Variants in WIPI1 observed in about 807,000 individuals in gnomAD.
The protein encoded by WIPI1 is WD repeat domain phosphoinositide-interacting protein 1.
WIPI1 carries 45 observed loss-of-function variants against 55.3 expected under a neutral mutation model. The observed-to-expected ratio is 0.81, with a 90% confidence interval of 0.64 to 1.04. The LOEUF (loss-of-function observed/expected upper bound fraction) is 1.04, where lower values mean the gene tolerates loss of function less well. Ranked by LOEUF, WIPI1 falls within the 50% of genes least tolerant of loss-of-function variation. The pLI, the probability that WIPI1 is intolerant of heterozygous loss-of-function variation, is 0.00. For synonymous variants in WIPI1, 195 were observed against 217.6 expected (o/e 0.90, Z 0.92); for missense variants, 445 against 559.0 (o/e 0.80, Z 2.06).
intron 1 of WIPI1, among the ~76,000 whole-genome samples, chr17:68,454,047 ACAAT>A (rs1285148997): frequency 4.6e-5 from 7 of 152,240 alleles, no homozygotes; most frequent in Non-Finnish European, 1.0e-4. Flanking sequence ...TTTATCTAGG[ACAAT>A]CAAAGTGCCT....
In WIPI1 at chr17:68,434,357, G is replaced by A. The variant is rs1051751375; in HGVS notation, c.692+199C>T. 3.3e-5 allele frequency among the ~76,000 whole-genome samples: 5 copies of A among 152,164 alleles called. No individual in the cohort carries two copies. In the South Asian group the frequency reaches 1.0e-3, roughly 32 times the overall value. ...AAAGGGACTCTCACGGCTGAACTGTGTTAAAACAGCATCTCGGCTTTCAGT... is the reference window on the plus strand; with the variant it reads ...AAAGGGACTCTCACGGCTGAACTGTATTAAAACAGCATCTCGGCTTTCAGT... On this transcript the variant is annotated intron_variant, in intron 7 of 12. Coordinates refer to ENST00000262139, the MANE Select transcript of WIPI1 (RefSeq NM_017983.7).
intron 7 of WIPI1, 79 bp from the exon 8 acceptor site, chr17:68,433,654 A>C: frequency 8.3e-7 from 1 of 1,200,204 alleles, no homozygotes; most frequent in Non-Finnish European, 1.2e-6. Flanking sequence ...TCAGCTTTAT[A>C]AGAAAATCAG....
chr17:68,422,384 G>C (rs528864761), intron 12 of WIPI1: 1 of 144,108 alleles, frequency 6.9e-6, no homozygotes, highest in South Asian at 2.2e-4. Context: ...AGCCGAGATC[G>C]CACCACTGCA....
chr17:68,426,090 C>T lies in WIPI1; in HGVS notation c.1278G>A (p.Glu426=), dbSNP rs1326951300. The change falls in exon 12 of 13, where the codon GAG becomes GAA. Residue 426 remains glutamate (E), a synonymous_variant. Coordinates refer to ENST00000262139, the MANE Select transcript of WIPI1 (RefSeq NM_017983.7). ...TAATGCTCACAGGAGGAAACTCATT[C>T]TCATCATCAAGACACACTGGTCCCG... The part of the protein sequence containing the change: ...FATGPVCLDD[E]NEFPPIILCR... The T allele has an allele frequency of 3.1e-6, 5 of 1,612,806 alleles. No homozygotes were observed. The highest frequency in any genetic ancestry group is 4.2e-6 in the Non-Finnish European group (5 of 1,180,018).
chr17:68,456,683 G>A (rs907440719), intron 1 of WIPI1, among the ~76,000 whole-genome samples: 1 of 152,210 alleles, frequency 6.6e-6, no homozygotes, highest in Non-Finnish European at 1.5e-5. Context: ...CGGGAAAAGA[G>A]TCTTGGACTC....
At chr17:68,447,491 C>T (rs2084328329) in intron 3 of WIPI1, among the ~76,000 whole-genome samples, 1 of 152,160 alleles carries the variant, frequency 6.6e-6, no homozygotes, top group African/African-American at 2.4e-5. Context: ...AAACGATCCT[C>T]CTGCCTCAGC....
chr17:68,457,273 C>G (rs2084669584), intron 1 of WIPI1, 69 bp downstream of exon 1: 2 of 1,518,748 alleles, frequency 1.3e-6, no homozygotes, highest in Non-Finnish European at 1.8e-6. Context: ...AAGCTGCTCT[C>G]AGGACGACAC....
At chr17:68,450,625 A>G in intron 3 of WIPI1, 103 bp downstream of exon 3, 2 of 1,428,854 alleles carry the variant, frequency 1.4e-6, no homozygotes, top group East Asian at 2.3e-5. Context: ...TCTCATTAGA[A>G]TTGGAAGCTT....
Position 68,422,091 on chromosome 17 carries a change from G to A in WIPI1, c.1294-271C>T, listed in dbSNP as rs527872536. 1.2e-3 allele frequency: 520 copies of A among 422,686 alleles called. 7 individuals are homozygous for A. The highest frequency in any genetic ancestry group is 2.5e-4 in the Non-Finnish European group (57 of 230,550). 26.2% of individuals were successfully genotyped at this position (422,686 alleles called of 1,614,324 possible). On this transcript the variant is annotated intron_variant, in intron 12 of 12. Transcript: ENST00000262139. ...TATGTATATGTATATATTTTTAAAA[G>A]GCTCATCTTACTTGTAAACATGGAC...
chr17:68,431,161 T>C (rs2083491929), intron 8 of WIPI1, among the ~76,000 whole-genome samples: 1 of 152,062 alleles, frequency 6.6e-6, no homozygotes. Flanking sequence ...AGCACGGGTG[T>C]ATACAAAGAA....
intron 8 of WIPI1, among the ~76,000 whole-genome samples, chr17:68,430,428 C>T (rs2083458295): frequency 6.6e-6 from 1 of 152,196 alleles, no homozygotes; most frequent in South Asian, 2.1e-4. Flanking sequence ...TTAAAGAAGG[C>T]TTATCTGATG....
chr17:68,452,352 G>C (rs2084529283), intron 2 of WIPI1, among the ~76,000 whole-genome samples: 1 of 152,194 alleles, frequency 6.6e-6, no homozygotes, highest in Non-Finnish European at 1.5e-5. Flanking sequence ...ATAACTCAAA[G>C]TCAGGAGTTG....
Position 68,421,679 on chromosome 17 carries a change from G to A in WIPI1, c.*94C>T. On this transcript the variant is annotated 3_prime_UTR_variant, in exon 13 of 13. Coordinates refer to ENST00000262139, the MANE Select transcript of WIPI1 (RefSeq NM_017983.7). Reference sequence around the variant, plus strand: ...ACCCGGGATTCCTGCCCCCCTTTCTGCTCACACAATTGCACTCCATTCTTC... The same window carrying A: ...ACCCGGGATTCCTGCCCCCCTTTCTACTCACACAATTGCACTCCATTCTTC... 5.7e-6 allele frequency: 9 copies of A among 1,565,266 alleles called. No individual in the cohort carries two copies. The highest frequency in any genetic ancestry group is 7.9e-6 in the Non-Finnish European group (9 of 1,136,992).
At chr17:68,455,757 A>C (rs1323836931) in intron 1 of WIPI1, among the ~76,000 whole-genome samples, 1 of 152,226 alleles carries the variant, frequency 6.6e-6, no homozygotes, top group African/African-American at 2.4e-5. Context: ...GAAAGCTGGG[A>C]CTTTGCGTTA....
intron 1 of WIPI1, 42 bp downstream of exon 1, chr17:68,457,298 ACT>A (rs1469641142): frequency 3.9e-6 from 6 of 1,534,104 alleles, no homozygotes; most frequent in South Asian, 2.4e-5. Context: ...GGGTCCTGAC[ACT>A]CTGTCCCCCA....
intron 2 of WIPI1, among the ~76,000 whole-genome samples, 191 bp from the exon 3 acceptor site, chr17:68,451,088 C>T (rs116078404): frequency 0.011 from 1,626 of 152,336 alleles, 25 homozygotes; most frequent in African/African-American, 0.037. Context: ...GCTTTTTACC[C>T]TCTCCCAGGG....
chr17:68,450,915 C>T lies in WIPI1; in HGVS notation c.164-18G>A, dbSNP rs114291084. 692 of 1,606,578 alleles carry T rather than the reference C, an allele frequency of 4.3e-4. 4 individuals are homozygous for T. The African/African-American group carries it at 7.2e-3, about 17-fold the overall frequency. ...GATTTCATCTGGGAGGAAAAGCAGC[C>T]GGGAGGTTACATGGATTGATCACTT... On this transcript the variant is annotated intron_variant, in intron 2 of 12. Transcript: ENST00000262139.
chr17:68,426,247 A>AGGGGGGGGGGGG lies in WIPI1; in HGVS notation c.1193-73_1193-72insCCCCCCCCCCCC. 4 of 655,814 alleles carry AGGGGGGGGGGGG rather than the reference A, an allele frequency of 6.1e-6. 1 individual carries two copies. The highest frequency in any genetic ancestry group is 5.2e-5 in the South Asian group (3 of 57,172). The allele number at this position is 655,814 out of a possible 1,614,324, so 40.6% of individuals were successfully genotyped here. On this transcript the variant is annotated intron_variant, in intron 11 of 12. Coordinates refer to ENST00000262139, the MANE Select transcript of WIPI1 (RefSeq NM_017983.7). ...TTATGCCATGACCTGGCGGGTGGGG[A>AGGGGGGGGGGGG]GCGGGGGCTCAAATAAAGGGCAAAG...
At chr17:68,438,704 G>A (rs1476854559) in intron 4 of WIPI1, among the ~76,000 whole-genome samples, 2 of 152,196 alleles carry the variant, frequency 1.3e-5, no homozygotes, top group African/African-American at 2.4e-5. Context: ...TGGTTCAAGC[G>A]ATTCTCCTGT....
Sources: gnomAD v4.1 joint callset for allele counts (sites outside exome capture counted in the v4.1 genomes callset) on GRCh38, gnomAD v4.1.1 for gene constraint, MANE v1.5 for transcripts, NCBI Gene and HGNC (gene_info 2026-07-23, HGNC 2026-07-21) for gene names.